The following CRNKL1 variants were observed in gnomAD, a reference collection of about 807,000 sequenced individuals.
CRNKL1 encodes crooked neck pre-mRNA splicing factor 1, also known as crooked neck-like protein 1.
A neutral mutation model predicts 103.7 loss-of-function variants in CRNKL1; 35 were observed. That is an observed-to-expected ratio of 0.34 (90% CI 0.26 to 0.45). The LOEUF (loss-of-function observed/expected upper bound fraction) is 0.45. CRNKL1 is among the 20% of genes least tolerant of loss of function. CRNKL1 has a pLI of 1.00. For synonymous variants in CRNKL1, 267 were observed against 282.6 expected (o/e 0.94, Z 0.55); for missense variants, 645 against 836.0 (o/e 0.77, Z 2.82).
chr20:20,049,143 G>T (rs1402869752), intron 3 of CRNKL1, among the ~76,000 whole-genome samples, 197 bp downstream of exon 3: 4 of 150,954 alleles, frequency 2.6e-5, no homozygotes, highest in African/African-American at 9.8e-5. Flanking sequence ...AGCCTCTTCT[G>T]CCACCCTCCC....
At chr20:20,046,685 C>G (rs2043599113) in intron 5 of CRNKL1, among the ~76,000 whole-genome samples, 1 of 152,154 alleles carries the variant, frequency 6.6e-6, no homozygotes, top group Admixed American at 6.5e-5. Context: ...TGAGGCTGCC[C>G]CACTGACAGG....
chr20:20,036,134 C>T lies in CRNKL1; in HGVS notation c.*61G>A. ...GAAATATATAAGAACTTCCAGGAGT[C>T]ACAAGAGTTCCAAACAATTAATTTA... is the stretch of plus-strand genomic sequence containing the variant. On this transcript the variant is annotated 3_prime_UTR_variant, in exon 14 of 14. Coordinates refer to ENST00000536226, the MANE Select transcript of CRNKL1 (RefSeq NM_001278628.2). The T allele has an allele frequency of 2.6e-6, 4 of 1,532,868 alleles. No homozygotes were observed. The highest frequency in any genetic ancestry group is 3.6e-6 in the Non-Finnish European group (4 of 1,126,416). 95.0% of individuals were successfully genotyped at this position (1,532,868 alleles called of 1,614,324 possible).
At position 20,038,298 on chromosome 20, in the gene CRNKL1, C is replaced by A. The variant is rs1415063134; in HGVS notation, c.1647+51G>T. On this transcript the variant is annotated intron_variant, in intron 12 of 13. Coordinates refer to ENST00000536226, the MANE Select transcript of CRNKL1 (RefSeq NM_001278628.2). ...AAATACAGAAATATATCATTTTCTT[C>A]TGGACTGCTGATTCAAGCAAAATGA... 4.7e-6 allele frequency: 5 copies of A among 1,059,060 alleles called. 1 individual carries two copies. The highest frequency in any genetic ancestry group is 4.2e-5 in the South Asian group (3 of 71,908). The allele number at this position is 1,059,060 out of a possible 1,614,324, so 65.6% of individuals were successfully genotyped here.
chr20:20,042,411 C>A lies in CRNKL1; in HGVS notation c.1078G>T (p.Val360Phe), dbSNP rs757665657. The change falls in exon 8 of 14, where the codon GTC (valine) becomes TTC (phenylalanine). Residue 360 changes from valine (V) to phenylalanine (F), a missense_variant. This residue lies in a region of CRNKL1 where 582 missense variants were observed against 707.7 expected (regional missense o/e 0.82). Transcript: ENST00000536226. ...TGCCTCTTCTCCTGAATGGGTGGGACATTGGCAATGGCCCTTTCATAGACT... is the reference window on the plus strand; with the variant it reads ...TGCCTCTTCTCCTGAATGGGTGGGAAATTGGCAATGGCCCTTTCATAGACT... The part of the protein sequence containing the change: ...REVYERAIAN[V>F]PPIQEKRHWK... 6.2e-7 allele frequency: 1 copy of A among 1,614,172 alleles called. No individual in the cohort carries two copies. The highest frequency in any genetic ancestry group is 8.5e-7 in the Non-Finnish European group (1 of 1,180,024).
chr20:20,052,143 G>C, intron 1 of CRNKL1, 149 bp downstream of exon 1: 1 of 733,586 alleles, frequency 1.4e-6, no homozygotes, highest in South Asian at 1.9e-5. Context: ...ACAAGAGCCC[G>C]CGCCCCACCA....
intron 12 of CRNKL1, 34 bp downstream of exon 12, chr20:20,038,315 G>T: frequency 7.5e-7 from 1 of 1,333,534 alleles, no homozygotes; most frequent in Non-Finnish European, 1.1e-6. Flanking sequence ...GCTGATTCAA[G>T]CAAAATGAAA....
At chr20:20,038,211 G>A (rs1159859771) in intron 12 of CRNKL1, 138 bp downstream of exon 12, 5 of 591,534 alleles carry the variant, frequency 8.5e-6, no homozygotes, top group Admixed American at 3.3e-5. Flanking sequence ...TGAGACTCAC[G>A]TTTCTCTTGA....
chr20:20,037,260 C>A (rs531686665), intron 13 of CRNKL1, 63 bp downstream of exon 13: 162 of 1,552,758 alleles, frequency 1.0e-4, no homozygotes, highest in Non-Finnish European at 1.3e-4. Flanking sequence ...GTCCACATTT[C>A]GACGTCAGAA....
At chr20:20,046,668 A>C (rs1310918675) in intron 5 of CRNKL1, among the ~76,000 whole-genome samples, 1 of 152,206 alleles carries the variant, frequency 6.6e-6, no homozygotes, top group Non-Finnish European at 1.5e-5. Flanking sequence ...ATGTTAAGTG[A>C]CTGGACTGAG....
chr20:20,036,885 C>T (rs1484623990), intron 13 of CRNKL1, among the ~76,000 whole-genome samples: 1 of 152,154 alleles, frequency 6.6e-6, no homozygotes, highest in East Asian at 1.9e-4. Flanking sequence ...CCAATCTAAG[C>T]CCCTTGAGTC....
chr20:20,052,788 G>C, upstream of CRNKL1: 1 of 1,456,610 alleles, frequency 6.9e-7, no homozygotes, highest in Non-Finnish European at 9.3e-7. Context: ...GGGAGAGCGA[G>C]GAAACTACCA....
At position 20,041,634 on chromosome 20, in the gene CRNKL1, G is replaced by T; in HGVS notation, c.1165-9C>A. 6.2e-7 allele frequency: 1 copy of T among 1,607,474 alleles called. No homozygotes were observed. The highest frequency in any genetic ancestry group is 8.5e-7 in the Non-Finnish European group (1 of 1,174,516). On this transcript the variant is annotated splice_polypyrimidine_tract_variant and intron_variant, in intron 8 of 13. Transcript: ENST00000536226. ...CTTGTCCTCTCAGGATCCTGTATTA[G>T]GATAAGAAATTTTCACAAAATATTG...
rs759687119 is a variant in CRNKL1, at chr20:20,052,462, G to T, written c.-120C>A. The T allele has an allele frequency of 4.3e-6, 7 of 1,614,260 alleles. No individual in the cohort carries two copies. The East Asian group carries it at 1.6e-4, about 36-fold the overall frequency. ...AAACAGGATCTCGGAACCGGAAGCG[G>T]AACTTGCAGGACTGACCTTTGACCT... On this transcript the variant is annotated 5_prime_UTR_variant, in exon 1 of 14. Transcript: ENST00000536226.
chr20:20,038,567 A>G, intron 11 of CRNKL1, 117 bp from the exon 12 acceptor site: 2 of 617,492 alleles, frequency 3.2e-6, no homozygotes, highest in East Asian at 2.9e-5. Flanking sequence ...TTTTTACTGA[A>G]CAACTAAAGA....
rs1314064983 is a variant in CRNKL1, at chr20:20,034,424, T to C, written c.*1771A>G. The C allele has an allele frequency of 2.0e-5, 3 of 152,172 alleles. No homozygotes were observed. Among genetic ancestry groups the C allele is most frequent in the African/African-American group, 7.2e-5 (3 of 41,428 alleles). The allele number at this position is 152,172 out of a possible 1,614,324, so 9.4% of individuals were successfully genotyped here. On this transcript the variant is annotated 3_prime_UTR_variant, in exon 14 of 14. Transcript: ENST00000536226. ...GGTGGAGTTGAGGGTGGGAGAGAAA[T>C]GAATCTTTATGTTCTCCTGTTAGAG...
upstream of CRNKL1, chr20:20,055,933 C>T (rs1210479180): frequency 6.3e-7 from 1 of 1,587,464 alleles, no homozygotes; most frequent in Admixed American, 1.7e-5. Context: ...AAATTGAAAT[C>T]ATTTTGTGAC....
At chr20:20,044,820 G>T (rs2043569954) in intron 6 of CRNKL1, among the ~76,000 whole-genome samples, 1 of 151,674 alleles carries the variant, frequency 6.6e-6, no homozygotes, top group Non-Finnish European at 1.5e-5. Flanking sequence ...TCACTATGTT[G>T]CCCAGGCTGG....
chr20:20,053,862 A>G (rs1332835732), upstream of CRNKL1, among the ~76,000 whole-genome samples: 1 of 152,176 alleles, frequency 6.6e-6, no homozygotes, highest in Non-Finnish European at 1.5e-5. Context: ...TAAACAATTG[A>G]TTTACCAAAT....
In CRNKL1 at chr20:20,045,427, G is replaced by A; in HGVS notation, c.682C>T (p.His228Tyr). ...WIKYARFEEK[H>Y]AYFAHARKVY... ...TTCCGTGCATGGGCAAAATAAGCAT[G>A]TTTTTCTTCAAAGCGGGCATACTTG... Residue 228 changes from histidine (H) to tyrosine (Y), a missense_variant, in exon 6 of 14, where the codon CAT becomes TAT. By Grantham distance (83) the His-to-Tyr change is moderately conservative. Around this residue, in one of 2 missense-constraint regions of CRNKL1, gnomAD observed 582 missense variants for 707.7 expected, o/e 0.82. Coordinates refer to ENST00000536226, the MANE Select transcript of CRNKL1 (RefSeq NM_001278628.2). The A allele has an allele frequency of 6.2e-7, 1 of 1,613,340 alleles. No individual in the cohort carries two copies. Among genetic ancestry groups the A allele is most frequent in the Non-Finnish European group, 8.5e-7 (1 of 1,179,760 alleles).
Sources: allele counts gnomAD v4.1 joint callset (sites outside exome capture counted in the v4.1 genomes callset), GRCh38; gene constraint gnomAD v4.1.1; regional missense constraint gnomAD v4.1.1; transcripts MANE v1.5; gene names NCBI Gene and HGNC (gene_info 2026-07-23, HGNC 2026-07-21).